The following COL4A1 variants were observed in gnomAD, a reference collection of about 807,000 sequenced individuals.
COL4A1 encodes the protein collagen type IV alpha 1 chain.
COL4A1 carries 40 observed loss-of-function variants against 216.6 expected under a neutral mutation model. That is an observed-to-expected ratio of 0.18 (90% CI 0.14 to 0.24). The LOEUF is 0.24. COL4A1 is among the 10% of genes least tolerant of loss of function. COL4A1 has a pLI of 1.00. For synonymous variants in COL4A1, 839 were observed against 810.7 expected, an observed-to-expected ratio of 1.03 and a Z score of -0.59; for missense variants, 1,628 against 2,196.8, an observed-to-expected ratio of 0.74 and a Z score of 5.18.
chr13:110,256,359 C>G (rs1882570084), intron 1 of COL4A1, among the ~76,000 whole-genome samples: 1 of 152,102 alleles, frequency 6.6e-6, no homozygotes, highest in Non-Finnish European at 1.5e-5. Context: ...TGGTTTTGGA[C>G]GAGGATGATA....
intron 1 of COL4A1, among the ~76,000 whole-genome samples, chr13:110,266,637 G>T (rs2139284204): frequency 6.6e-6 from 1 of 152,282 alleles, no homozygotes; most frequent in East Asian, 1.9e-4. Flanking sequence ...GCGTGCACTG[G>T]ACATGGGATA....
chr13:110,230,184 G>A (rs563224267), intron 2 of COL4A1, among the ~76,000 whole-genome samples: 1 of 152,204 alleles, frequency 6.6e-6, no homozygotes, highest in African/African-American at 2.4e-5. Context: ...GTGTGTGCCC[G>A]TGGTGTGGGT....
At chr13:110,195,181 A>G in intron 21 of COL4A1, 63 bp from the exon 22 acceptor site, 3 of 1,405,296 alleles carry the variant, frequency 2.1e-6, no homozygotes, top group Non-Finnish European at 3.0e-6. Context: ...TCCTAACTCA[A>G]CCTCTATTAT....
rs41275094 is a variant in COL4A1 at position 110,183,322 on chromosome 13, C to T, written c.1898-46G>A. The stretch of plus-strand genomic sequence containing the variant: ...AGACAAACGATGAAGGAATGAGGAC[C>T]ACACGGAACACAGGGAGGACACGCA... On this transcript the variant is annotated intron_variant, in intron 26 of 51. Coordinates refer to ENST00000375820, the MANE Select transcript of COL4A1 (RefSeq NM_001845.6). 4,615 of 1,563,374 alleles carry T rather than the reference C, an allele frequency of 3.0e-3. 64 individuals are homozygous for T. The highest frequency in any genetic ancestry group is 0.023 in the South Asian group (2,038 of 87,702).
In COL4A1 at chr13:110,178,986, G is replaced by A; in HGVS notation, c.2395C>T (p.Pro799Ser). ...CTAGCTCCAGGGGGGCCTATTCCTG[G>A]AACTCCTGGAGACCCCACGGAGCCT... ...LPGSVGSPGV[P>S]GIGPPGARGP... is the part of the protein sequence containing the mutation. The change falls in exon 31 of 52, where the codon CCA (proline) becomes TCA (serine). Residue 799 changes from proline to serine, a missense_variant. By Grantham distance (74) the Pro-to-Ser change is moderately conservative. Around this residue, in one of 8 missense-constraint regions of COL4A1, gnomAD observed 701 missense variants for 892.5 expected, o/e 0.79. Transcript: ENST00000375820. 1.9e-6 allele frequency: 3 copies of A among 1,612,098 alleles called. No individual in the cohort carries two copies. In the South Asian group the frequency reaches 3.3e-5, roughly 18 times the overall value.
chr13:110,180,373 G>A (rs1878091266), intron 29 of COL4A1, among the ~76,000 whole-genome samples: 1 of 152,192 alleles, frequency 6.6e-6, no homozygotes, highest in South Asian at 2.1e-4. Flanking sequence ...TTTCTCTTCT[G>A]CCTCAGCCAC....
chr13:110,229,030 C>T (rs1432885237), intron 2 of COL4A1, among the ~76,000 whole-genome samples: 2 of 152,194 alleles, frequency 1.3e-5, no homozygotes, highest in African/African-American at 4.8e-5. Context: ...GTTTTCCCAT[C>T]AGCAGATGTG....
Position 110,247,834 on chromosome 13 carries a change from T to G in COL4A1, c.85-5100A>C, listed in dbSNP as rs1350048031. ...GTGTGTGTGTGTGTGTGTGTGTGTG[T>G]GGCAGAGAGAGAGGGAGGGAGGGAG... On this transcript the variant is annotated intron_variant, in intron 1 of 51. Coordinates refer to ENST00000375820, the MANE Select transcript of COL4A1 (RefSeq NM_001845.6). Among the ~76,000 whole-genome samples, 36 of 87,302 alleles carry G rather than the reference T, an allele frequency of 4.1e-4. 1 individual carries two copies. Among genetic ancestry groups the G allele is most frequent in the African/African-American group, 1.5e-3 (31 of 20,450 alleles). The allele number at this position is 87,302 out of a possible 152,430, so 57.3% of individuals were successfully genotyped here. A position where few individuals can be genotyped will look rare whatever the true frequency, so the allele number is the denominator to read the frequency against.
intron 1 of COL4A1, among the ~76,000 whole-genome samples, chr13:110,274,711 T>G (rs1285063194): frequency 6.6e-6 from 1 of 152,142 alleles, no homozygotes; most frequent in African/African-American, 2.4e-5. Context: ...TGTGCACTGA[T>G]AGCCACAGTA....
intron 2 of COL4A1, 90 bp downstream of exon 2, chr13:110,242,585 C>T: frequency 2.1e-6 from 3 of 1,412,926 alleles, no homozygotes; most frequent in East Asian, 2.3e-5. Flanking sequence ...AAGGCTTTCA[C>T]CTGAATTGCT....
intron 26 of COL4A1, among the ~76,000 whole-genome samples, chr13:110,184,517 A>G (rs1878316966): frequency 6.6e-6 from 1 of 152,192 alleles, no homozygotes; most frequent in African/African-American, 2.4e-5. Flanking sequence ...GGACGCTTCT[A>G]AACAAAGAAC....
chr13:110,207,563 TA>T lies in COL4A1; in HGVS notation c.694-75del, dbSNP rs559871433. On this transcript the variant is annotated intron_variant, in intron 12 of 51. Transcript: ENST00000375820. The surrounding 1 kb of genome is among the most constrained non-coding windows in gnomAD (Gnocchi z 4.4). ...AGACATGAAAAATTGCAGAGAGAGG[TA>T]AAAGCCTAAAATAAAACACCTATTT... The T allele has an allele frequency of 8.4e-7, 1 of 1,183,914 alleles. No individual in the cohort carries two copies. Among genetic ancestry groups the T allele is most frequent in the African/African-American group, 1.5e-5 (1 of 66,298 alleles). The allele number at this position is 1,183,914 out of a possible 1,614,324, so 73.3% of individuals were successfully genotyped here. A position where few individuals can be genotyped will look rare whatever the true frequency, so the allele number is the denominator to read the frequency against.
At chr13:110,252,725 T>TTATATGTATATATGTATTATACA (rs1882204274) in intron 1 of COL4A1, among the ~76,000 whole-genome samples, 6 of 46,672 alleles carry the variant, frequency 1.3e-4, no homozygotes, top group African/African-American at 4.8e-4. Flanking sequence ...ATACATATAA[T>TTATATGTATATATGTATTATACA]TATAAGTATG....
At chr13:110,217,363 T>C (rs545051049) in intron 2 of COL4A1, among the ~76,000 whole-genome samples, 1 of 152,310 alleles carries the variant, frequency 6.6e-6, no homozygotes, top group Admixed American at 6.5e-5. Context: ...CTGGCAATGC[T>C]ACTAACGTGA....
At chr13:110,254,843 G>T (rs1384343110) in intron 1 of COL4A1, among the ~76,000 whole-genome samples, 2 of 152,086 alleles carry the variant, frequency 1.3e-5, no homozygotes, top group Non-Finnish European at 2.9e-5. Flanking sequence ...CTTTTCCACA[G>T]AACTGGGGAA....
In COL4A1 at chr13:110,211,825, A is replaced by G. The variant is rs375772296; in HGVS notation, c.441+44T>C. 394 of 1,605,556 alleles carry G rather than the reference A, an allele frequency of 2.5e-4. No individual in the cohort carries two copies. Among genetic ancestry groups the G allele is most frequent in the Non-Finnish European group, 3.1e-4 (361 of 1,172,544 alleles). On this transcript the variant is annotated intron_variant, in intron 7 of 51. Coordinates refer to ENST00000375820, the MANE Select transcript of COL4A1 (RefSeq NM_001845.6). This position sits in a 1 kb window ranked among gnomAD's most constrained non-coding sequence, Gnocchi z 4.3. ...GAAATGGAATGAAAAGAGAGAAGTCATAACTAAAAGAAAGAAGTTCTGCCC... is the reference window on the plus strand; with the variant it reads ...GAAATGGAATGAAAAGAGAGAAGTCGTAACTAAAAGAAAGAAGTTCTGCCC...
rs144143608 is a variant in COL4A1 at position 110,205,530 on chromosome 13, G to A, written c.867C>T (p.Pro289=). The change falls in exon 16 of 52, where the codon CCC becomes CCT. Residue 289 remains proline (P), a synonymous_variant. Coordinates refer to ENST00000375820, the MANE Select transcript of COL4A1 (RefSeq NM_001845.6). ...EPGKPGPRGK[P]GKDGDKGEKG... ...TTTCCCCTTTGTCACCATCTTTTCC[G>A]GGTTTGCCCTGTAGAATAAAGATGT... 1.7e-5 allele frequency: 28 copies of A among 1,609,428 alleles called. No homozygotes were observed. The highest frequency in any genetic ancestry group is 1.1e-4 in the African/African-American group (8 of 70,764).
At chr13:110,199,275 C>T (rs951471034) in intron 20 of COL4A1, among the ~76,000 whole-genome samples, 1 of 152,190 alleles carries the variant, frequency 6.6e-6, no homozygotes, top group African/African-American at 2.4e-5. Context: ...AGCTTCTGCT[C>T]CCAGCATCAG....
intron 36 of COL4A1, among the ~76,000 whole-genome samples, chr13:110,175,786 A>G (rs1003333316): frequency 2.0e-5 from 3 of 152,198 alleles, no homozygotes; most frequent in Admixed American, 6.6e-5. Flanking sequence ...GCTGGTAGCC[A>G]GGCTTATTCA....
Sources: gnomAD v4.1 joint callset for allele counts (sites outside exome capture counted in the v4.1 genomes callset) on GRCh38, gnomAD v4.1.1 for gene constraint, gnomAD v4.1.1 regional missense constraint, Gnocchi (gnomAD v3.1) non-coding constraint, MANE v1.5 for transcripts, NCBI Gene and HGNC (gene_info 2026-07-23, HGNC 2026-07-21) for gene names.